SNX29: variants seen among roughly 807,000 people sequenced by gnomAD.
The protein encoded by SNX29 is sorting nexin-29.
Under a neutral mutation model 102.1 loss-of-function variants are expected in SNX29, and 78 were observed. That is an observed-to-expected ratio of 0.76 (90% CI 0.64 to 0.92). The LOEUF (loss-of-function observed/expected upper bound fraction) is 0.92. Among genes scored for constraint, SNX29 ranks in the 40% least tolerant of loss-of-function variants. The pLI, the probability that SNX29 is intolerant of heterozygous loss-of-function variation, is 0.00. For synonymous variants in SNX29, 580 were observed against 414.5 expected, an observed-to-expected ratio of 1.40 and a Z score of -4.85; for missense variants, 1,280 against 1,061.7, an observed-to-expected ratio of 1.21 and a Z score of -2.86.
At chr16:12,276,485 C>G (rs1422613855) in intron 14 of SNX29, among the ~76,000 whole-genome samples, 1 of 152,154 alleles carries the variant, frequency 6.6e-6, no homozygotes, top group African/African-American at 2.4e-5. Flanking sequence ...GCTCAGCCTT[C>G]CTGACTTTCA....
At chr16:12,004,405 T>C (rs8051278) in intron 3 of SNX29, among the ~76,000 whole-genome samples, 16,544 of 152,010 alleles carry the variant, frequency 0.11, 1,113 homozygotes, top group African/African-American at 0.18. Context: ...GCTGACATCA[T>C]TGCATAAGCT....
intron 20 of SNX29, chr16:12,557,354 G>T (rs1438720326): frequency 6.6e-6 from 1 of 152,172 alleles, no homozygotes; most frequent in Non-Finnish European, 1.5e-5. Flanking sequence ...GAAGAGGGTG[G>T]AGATGCTGAA....
chr16:12,538,486 T>G, intron 20 of SNX29, among the ~76,000 whole-genome samples: 1 of 152,186 alleles, frequency 6.6e-6, no homozygotes. Context: ...CTGTGTAACA[T>G]ACATCTATGA....
chr16:12,195,985 CTTTTTT>C (rs762409358), intron 13 of SNX29, among the ~76,000 whole-genome samples: 5 of 117,978 alleles, frequency 4.2e-5, no homozygotes, highest in African/African-American at 1.3e-4. Flanking sequence ...GTTTCTTTTC[CTTTTTT>C]TTTTTTTTTT....
rs1214693273 is a variant in SNX29, at chr16:12,572,521, A to G, written c.*3892A>G. On this transcript the variant is annotated 3_prime_UTR_variant, in exon 21 of 21. Transcript: ENST00000566228. ...CTCGGCCTTCCTGCTCCACGTGCTC[A>G]AGCCCCCACAGGGGGCTGCGACACC... is the stretch of plus-strand genomic sequence containing the variant. 43 of 1,063,996 alleles carry G rather than the reference A, an allele frequency of 4.0e-5. No homozygotes were observed. Among genetic ancestry groups the G allele is most frequent in the Non-Finnish European group, 4.9e-5 (43 of 878,514 alleles). 65.9% of individuals were successfully genotyped at this position (1,063,996 alleles called of 1,614,324 possible).
chr16:12,242,326 C>A (rs2078128360), intron 14 of SNX29, among the ~76,000 whole-genome samples: 1 of 146,266 alleles, frequency 6.8e-6, no homozygotes, highest in Non-Finnish European at 1.5e-5. Flanking sequence ...ATTAGATTCT[C>A]ATAGGAGAAT....
chr16:12,522,788 A>C (rs2090148882), intron 19 of SNX29, among the ~76,000 whole-genome samples: 1 of 152,150 alleles, frequency 6.6e-6, no homozygotes, highest in South Asian at 2.1e-4. Context: ...TAAATTACCC[A>C]GTCTCAGGTA....
chr16:12,310,505 T>C (rs1243942041), intron 15 of SNX29, among the ~76,000 whole-genome samples: 1 of 150,814 alleles, frequency 6.6e-6, no homozygotes, highest in Non-Finnish European at 1.5e-5. Context: ...TCAAAATAAC[T>C]GTGTGCCAAG....
intron 19 of SNX29, among the ~76,000 whole-genome samples, chr16:12,509,689 T>TG (rs2089524455): frequency 6.6e-6 from 1 of 152,022 alleles, no homozygotes; most frequent in South Asian, 2.1e-4. Context: ...GAGGCCAAGG[T>TG]GGGAGGATGG....
rs77500536 is a variant in SNX29, at chr16:12,408,426, C to A, written c.2037+4897C>A. 9.5e-3 allele frequency among the ~76,000 whole-genome samples: 1,441 copies of A among 152,348 alleles called. 22 individuals are homozygous for A. The highest frequency in any genetic ancestry group is 0.033 in the African/African-American group (1,356 of 41,580). ...GGTTTGCTTTGGAAAGTTGTCAGAG[C>A]AGTTGCTGGTCCACAATAACTTCTG... On this transcript the variant is annotated intron_variant, in intron 18 of 20. Transcript: ENST00000566228.
At chr16:12,369,597 A>T (rs1320940204) in intron 16 of SNX29, among the ~76,000 whole-genome samples, 1 of 152,092 alleles carries the variant, frequency 6.6e-6, no homozygotes. Context: ...TGTCATCCTA[A>T]AAATGTGGAC....
intron 13 of SNX29, among the ~76,000 whole-genome samples, chr16:12,190,958 C>T (rs2076627169): frequency 6.6e-6 from 1 of 152,100 alleles, no homozygotes; most frequent in South Asian, 2.1e-4. Context: ...TCCTTCAGAC[C>T]TCTTAGGATT....
intron 16 of SNX29, among the ~76,000 whole-genome samples, chr16:12,383,256 C>T (rs1014665630): frequency 6.6e-6 from 1 of 152,134 alleles, no homozygotes; most frequent in Non-Finnish European, 1.5e-5. Flanking sequence ...GCAATCTTTA[C>T]ATACAGGGAT....
At chr16:12,182,334 C>T (rs2076405808) in intron 13 of SNX29, among the ~76,000 whole-genome samples, 1 of 151,850 alleles carries the variant, frequency 6.6e-6, no homozygotes. Flanking sequence ...CTGGACAAAG[C>T]ACAAAGGAAG....
chr16:12,266,324 C>T (rs2078927005), intron 14 of SNX29, among the ~76,000 whole-genome samples: 1 of 152,120 alleles, frequency 6.6e-6, no homozygotes, highest in Non-Finnish European at 1.5e-5. Flanking sequence ...TCTCCAACAC[C>T]AGCCGGGCTC....
At chr16:12,539,623 C>T (rs533969928) in intron 20 of SNX29, among the ~76,000 whole-genome samples, 7 of 152,202 alleles carry the variant, frequency 4.6e-5, no homozygotes, top group Non-Finnish European at 8.8e-5. Flanking sequence ...GGACTGGATC[C>T]TATGCTAAAT....
intron 20 of SNX29, among the ~76,000 whole-genome samples, chr16:12,559,409 A>G (rs1381773748): frequency 2.0e-5 from 3 of 150,810 alleles, no homozygotes; most frequent in Non-Finnish European, 4.4e-5. Flanking sequence ...TGAAGGGACC[A>G]TCTAGTTGCA....
In SNX29 at chr16:12,310,787, A is replaced by G. The variant is rs550539252; in HGVS notation, c.1782+32751A>G. Among the ~76,000 whole-genome samples the G allele has an allele frequency of 2.0e-5, 3 of 152,318 alleles. No homozygotes were observed. The East Asian group carries it at 5.8e-4, about 29-fold the overall frequency. ...TGTGCACTCTGCTGTCTGCTGGTTAAACCTCAGTGAAGCTTAAAAAAAAAA... is the reference window on the plus strand; with the variant it reads ...TGTGCACTCTGCTGTCTGCTGGTTAGACCTCAGTGAAGCTTAAAAAAAAAA... On this transcript the variant is annotated intron_variant, in intron 15 of 20. Transcript: ENST00000566228.
chr16:12,224,568 C>G (rs1314006442), intron 14 of SNX29, among the ~76,000 whole-genome samples: 1 of 152,146 alleles, frequency 6.6e-6, no homozygotes, highest in Non-Finnish European at 1.5e-5. Context: ...GACATTTGAT[C>G]AGAGGGTTGA....
Sources: gnomAD v4.1 joint callset for allele counts (sites outside exome capture counted in the v4.1 genomes callset) on GRCh38, gnomAD v4.1.1 for gene constraint, MANE v1.5 for transcripts, NCBI Gene and HGNC (gene_info 2026-07-23, HGNC 2026-07-21) for gene names.